GPR180: variants seen among roughly 807,000 people sequenced by gnomAD.
The protein encoded by GPR180 is G protein-coupled receptor 180.
Under a neutral mutation model 52.6 loss-of-function variants are expected in GPR180, and 53 were observed. The ratio of observed to expected loss-of-function variants is 1.01; its 90% CI spans 0.81 to 1.27. The LOEUF (loss-of-function observed/expected upper bound fraction) is 1.27, where lower values mean the gene tolerates loss of function less well. Among genes scored for constraint, GPR180 ranks in the 50% most tolerant of loss-of-function variants. The probability of loss-of-function intolerance (pLI) is 0.00; values close to 1 mark genes in which losing one functional copy is unlikely to be tolerated. For missense variants in GPR180, 533 were observed against 527.0 expected (o/e 1.01, Z -0.11); for synonymous variants, 200 against 193.1 (o/e 1.04, Z -0.30).
intron 2 of GPR180, among the ~76,000 whole-genome samples, chr13:94,608,922 TTC>T (rs1446587271): frequency 6.6e-6 from 1 of 152,170 alleles, no homozygotes; most frequent in East Asian, 1.9e-4. Flanking sequence ...CATCTCTTTG[TTC>T]TGTCATAAAA....
rs1471758505 is a variant in GPR180 at position 94,627,845 on chromosome 13, C to G, written c.*674C>G. On this transcript the variant is annotated 3_prime_UTR_variant, in exon 9 of 9. Coordinates refer to ENST00000376958, the MANE Select transcript of GPR180 (RefSeq NM_180989.6). ...GAAAAAATAAAACTTAAATACATTA[C>G]ACGGGTTGTAAGGACAAAGGATTTT... 1 of 152,426 alleles carries G rather than the reference C, an allele frequency of 6.6e-6. No individual in the cohort carries two copies. 9.4% of individuals were successfully genotyped at this position (152,426 alleles called of 1,614,324 possible). A position where few individuals can be genotyped will look rare whatever the true frequency, so the allele number is the denominator to read the frequency against.
chr13:94,612,394 A>C lies in GPR180; in HGVS notation c.505+4A>C, dbSNP rs755456027. Reference sequence around the variant, plus strand: ...CATTTTAGTGCTGGAGAATCTGGTAAGAATATGTATTTGAATATATCCTAA... The same window carrying C: ...CATTTTAGTGCTGGAGAATCTGGTACGAATATGTATTTGAATATATCCTAA... On this transcript the variant is annotated splice_donor_region_variant and intron_variant, in intron 3 of 8. Coordinates refer to ENST00000376958, the MANE Select transcript of GPR180 (RefSeq NM_180989.6). 2 of 1,581,752 alleles carry C rather than the reference A, an allele frequency of 1.3e-6. No homozygotes were observed. The highest frequency in any genetic ancestry group is 8.7e-7 in the Non-Finnish European group (1 of 1,150,408).
chr13:94,604,298 C>T (rs1401365577), intron 1 of GPR180, among the ~76,000 whole-genome samples: 1 of 151,286 alleles, frequency 6.6e-6, no homozygotes, highest in Non-Finnish European at 1.5e-5. Flanking sequence ...CGTGCCATTG[C>T]ACTCCAGCCT....
At position 94,629,759 on chromosome 13, in the gene GPR180, G is replaced by A. The variant is rs527817245; in HGVS notation, c.*2588G>A. On this transcript the variant is annotated 3_prime_UTR_variant, in exon 9 of 9. Transcript: ENST00000376958. ...TTTGAACCTGGCTTTTAACCAGACA[G>A]TATTACTAGCAGGAGAGTTAATCTA... 6.6e-6 allele frequency: 1 copy of A among 152,198 alleles called. No homozygotes were observed. The highest frequency in any genetic ancestry group is 2.4e-5 in the African/African-American group (1 of 41,446). 9.4% of individuals were successfully genotyped at this position (152,198 alleles called of 1,614,324 possible). A position where few individuals can be genotyped will look rare whatever the true frequency, so the allele number is the denominator to read the frequency against.
In GPR180 at chr13:94,633,577, A is replaced by C. The variant is rs1286319938; in HGVS notation, c.*6406A>C. 1 of 151,692 alleles carries C rather than the reference A, an allele frequency of 6.6e-6. No individual in the cohort carries two copies. The allele number at this position is 151,692 out of a possible 1,614,324, so 9.4% of individuals were successfully genotyped here. On this transcript the variant is annotated 3_prime_UTR_variant, in exon 9 of 9. Transcript: ENST00000376958. The stretch of plus-strand genomic sequence containing the variant: ...TGGGTTGGTTGTCTTTTTCTTATTG[A>C]TTTGTTAAAACTCTTTATAACAGAA...
At chr13:94,625,199 A>G (rs748807038) in intron 7 of GPR180, among the ~76,000 whole-genome samples, 2 of 152,244 alleles carry the variant, frequency 1.3e-5, no homozygotes, top group Non-Finnish European at 2.9e-5. Flanking sequence ...TCAAACATCT[A>G]AAAGTATTTA....
Position 94,623,683 on chromosome 13 carries a change from CAAAA to C in GPR180, c.1086+398_1086+401del, listed in dbSNP as rs60779190. Among the ~76,000 whole-genome samples, 19 of 73,498 alleles carry C rather than the reference CAAAA, an allele frequency of 2.6e-4. No individual in the cohort carries two copies. The South Asian group carries it at 5.5e-3, about 21-fold the overall frequency. The allele number at this position is 73,498 out of a possible 152,430, so 48.2% of individuals were successfully genotyped here. On this transcript the variant is annotated intron_variant, in intron 7 of 8. Coordinates refer to ENST00000376958, the MANE Select transcript of GPR180 (RefSeq NM_180989.6). Reference sequence around the variant, plus strand: ...TGACAGGGCGAGACCTTCTTTTTTTCAAAAAAAAAAAAAAAAAACTTCTGTTATG... The same window carrying C: ...TGACAGGGCGAGACCTTCTTTTTTTCAAAAAAAAAAAAAACTTCTGTTATG...
At chr13:94,623,069 A>ATT in intron 6 of GPR180, 40 bp from the exon 7 acceptor site, 2 of 1,432,566 alleles carry the variant, frequency 1.4e-6, no homozygotes, top group Non-Finnish European at 9.6e-7. Flanking sequence ...AATGAGGTAT[A>ATT]TTTTTTTTTC....
intron 6 of GPR180, among the ~76,000 whole-genome samples, chr13:94,622,765 G>C (rs2138568134): frequency 1.3e-5 from 2 of 152,234 alleles, no homozygotes; most frequent in Non-Finnish European, 2.9e-5. Flanking sequence ...AGTAGAGGTG[G>C]GGTTTCACCA....
Position 94,617,498 on chromosome 13 carries a change from C to T in GPR180, c.506-1652C>T, listed in dbSNP as rs77849511. ...AAAGAAAATATGTTCTTTCTTTTCC[C>T]TTCCTGAAGTCTAAACATGCTTTTT... is the stretch of plus-strand genomic sequence containing the variant. On this transcript the variant is annotated intron_variant, in intron 3 of 8. Coordinates refer to ENST00000376958, the MANE Select transcript of GPR180 (RefSeq NM_180989.6). 9.0e-3 allele frequency among the ~76,000 whole-genome samples: 1,368 copies of T among 152,192 alleles called. 21 individuals carry two copies. The highest frequency in any genetic ancestry group is 0.031 in the African/African-American group (1,273 of 41,514).
At chr13:94,606,409 A>T (rs920584914) in intron 2 of GPR180, among the ~76,000 whole-genome samples, 1 of 152,230 alleles carries the variant, frequency 6.6e-6, no homozygotes, top group Non-Finnish European at 1.5e-5. Flanking sequence ...CCGTGATCCC[A>T]TTCATTCTCA....
In GPR180 at chr13:94,627,333, A is replaced by G. The variant is rs555271396; in HGVS notation, c.*162A>G. On this transcript the variant is annotated 3_prime_UTR_variant, in exon 9 of 9. Coordinates refer to ENST00000376958, the MANE Select transcript of GPR180 (RefSeq NM_180989.6). ...ATTTAAGCAGTACCAAGACTGAAAA[A>G]AAAGGTAATAAATGAAATGTTTTGA... is the stretch of plus-strand genomic sequence containing the variant. 33 of 511,862 alleles carry G rather than the reference A, an allele frequency of 6.4e-5. No individual in the cohort carries two copies. The highest frequency in any genetic ancestry group is 5.8e-4 in the African/African-American group (29 of 50,012). 31.7% of individuals were successfully genotyped at this position (511,862 alleles called of 1,614,324 possible).
intron 3 of GPR180, among the ~76,000 whole-genome samples, chr13:94,617,083 G>A (rs146985566): frequency 4.7e-4 from 72 of 152,134 alleles, no homozygotes; most frequent in African/African-American, 1.7e-3. Flanking sequence ...TTTTGCTGGT[G>A]ACATATATCT....
At chr13:94,624,076 C>T (rs780653629) in intron 7 of GPR180, among the ~76,000 whole-genome samples, 1 of 152,184 alleles carries the variant, frequency 6.6e-6, no homozygotes, top group Non-Finnish European at 1.5e-5. Flanking sequence ...TCACCCCATC[C>T]ACATGAGATC....
chr13:94,623,184 A>T lies in GPR180; in HGVS notation c.970A>T (p.Ile324Phe). The change falls in exon 7 of 9, where the codon ATC (isoleucine) becomes TTC (phenylalanine). Residue 324 changes from isoleucine to phenylalanine, a missense_variant. Coordinates refer to ENST00000376958, the MANE Select transcript of GPR180 (RefSeq NM_180989.6). ...CCATTCACACCACAACTTAGCAGGG[A>T]TCCTCCTAATTGTTCTAAGAATTTG... ...SYHSHHNLAG[I>F]LLIVLRICLA... 1 of 1,613,364 alleles carries T rather than the reference A, an allele frequency of 6.2e-7. No homozygotes were observed. The highest frequency in any genetic ancestry group is 8.5e-7 in the Non-Finnish European group (1 of 1,179,318).
Position 94,602,058 on chromosome 13 carries a change from A to G in GPR180, c.131A>G (p.His44Arg), listed in dbSNP as rs766554048. ...GACGCCCAGGGCCAGCGCATCGGCCACTTCGAGTTCCATGGTAGGTCTGGG... is the reference window on the plus strand; with the variant it reads ...GACGCCCAGGGCCAGCGCATCGGCCGCTTCGAGTTCCATGGTAGGTCTGGG... The part of the protein sequence containing the change: ...AQDAQGQRIG[H>R]FEFHGDHALL... The change falls in exon 1 of 9, where the codon CAC becomes CGC. Residue 44 changes from histidine to arginine, a missense_variant. Transcript: ENST00000376958. 7.1e-6 allele frequency: 10 copies of G among 1,403,688 alleles called. No homozygotes were observed. The highest frequency in any genetic ancestry group is 9.3e-6 in the Non-Finnish European group (10 of 1,074,754). 87.0% of individuals were successfully genotyped at this position (1,403,688 alleles called of 1,614,324 possible).
At chr13:94,602,868 A>G (rs545153973) in intron 1 of GPR180, among the ~76,000 whole-genome samples, 4 of 152,324 alleles carry the variant, frequency 2.6e-5, no homozygotes, top group African/African-American at 9.6e-5. Flanking sequence ...TAATTTGACT[A>G]GTGCTGTATT....
rs1227834038 is a variant in GPR180 at position 94,626,051 on chromosome 13, A to C, written c.1164+8A>C. The C allele has an allele frequency of 6.3e-7, 1 of 1,576,278 alleles. No homozygotes were observed. Among genetic ancestry groups the C allele is most frequent in the Admixed American group, 1.7e-5 (1 of 59,820 alleles). ...GACTACCAAAGAGACAAGGTAAGAAATATACATGATCAAAGTAGTTTTCTT... is the reference window on the plus strand; with the variant it reads ...GACTACCAAAGAGACAAGGTAAGAACTATACATGATCAAAGTAGTTTTCTT... On this transcript the variant is annotated splice_region_variant and intron_variant, in intron 8 of 8. Coordinates refer to ENST00000376958, the MANE Select transcript of GPR180 (RefSeq NM_180989.6).
chr13:94,633,243 A>G lies in GPR180; in HGVS notation c.*6072A>G, dbSNP rs940816064. 6.6e-6 allele frequency: 1 copy of G among 152,176 alleles called. No homozygotes were observed. Among genetic ancestry groups the G allele is most frequent in the East Asian group, 1.9e-4 (1 of 5,174 alleles). The allele number at this position is 152,176 out of a possible 1,614,324, so 9.4% of individuals were successfully genotyped here. ...GCTAGTTTCTGAAGTGAGGGCAGTC[A>G]TATGGAGGACTGGGCCCTTAATCTG... On this transcript the variant is annotated 3_prime_UTR_variant, in exon 9 of 9. Coordinates refer to ENST00000376958, the MANE Select transcript of GPR180 (RefSeq NM_180989.6).
Sources: gnomAD v4.1 joint callset for allele counts (sites outside exome capture counted in the v4.1 genomes callset) on GRCh38, gnomAD v4.1.1 for gene constraint, MANE v1.5 for transcripts, NCBI Gene and HGNC (gene_info 2026-07-23, HGNC 2026-07-21) for gene names.